Variants in CCSER1 observed in about 807,000 individuals in gnomAD.
CCSER1 encodes the protein serine-rich coiled-coil domain-containing protein 1.
In CCSER1, 41 loss-of-function variants were observed where a neutral mutation model predicts 82.0. The ratio of observed to expected loss-of-function variants is 0.50; its 90% CI spans 0.39 to 0.65. The LOEUF (loss-of-function observed/expected upper bound fraction) is 0.65, where lower values mean the gene tolerates loss of function less well. Among genes scored for constraint, CCSER1 ranks in the 30% least tolerant of loss-of-function variants. The probability of loss-of-function intolerance (pLI) is 0.00; values close to 1 mark genes in which losing one functional copy is unlikely to be tolerated. For synonymous variants in CCSER1, 414 were observed against 383.9 expected (o/e 1.08, Z -0.92); for missense variants, 1,119 against 1,064.2 (o/e 1.05, Z -0.72).
At chr4:91,062,461 T>TC (rs1744040324) in intron 9 of CCSER1, among the ~76,000 whole-genome samples, 1 of 152,140 alleles carries the variant, frequency 6.6e-6, no homozygotes. Context: ...GACAATGGCT[T>TC]CTCAGACTAT....
At chr4:90,143,671 T>C (rs573706171) in intron 1 of CCSER1, among the ~76,000 whole-genome samples, 1 of 150,390 alleles carries the variant, frequency 6.6e-6, no homozygotes, top group South Asian at 2.1e-4. Flanking sequence ...ATTATTTTAC[T>C]TCTCCATTCC....
chr4:91,114,784 T>C (rs1726403775), intron 10 of CCSER1, among the ~76,000 whole-genome samples: 3 of 152,252 alleles, frequency 2.0e-5, no homozygotes, highest in South Asian at 4.1e-4. Flanking sequence ...TCTGCCAAAC[T>C]CATTGGTTGT....
Position 90,463,128 on chromosome 4 carries a change from A to G in CCSER1, c.1604-5106A>G, listed in dbSNP as rs75024135. Among the ~76,000 whole-genome samples, 3 of 152,350 alleles carry G rather than the reference A, an allele frequency of 2.0e-5. No homozygotes were observed. The East Asian group carries it at 5.8e-4, about 29-fold the overall frequency. On this transcript the variant is annotated intron_variant, in intron 4 of 10. Transcript: ENST00000509176. ...CATCTTAAAAAAATCTCAAGATGAT[A>G]TTAGCTTTAAATCATAAAGTTGTAC...
At chr4:90,881,899 CAGG>C (rs1721387577) in intron 8 of CCSER1, among the ~76,000 whole-genome samples, 1 of 150,782 alleles carries the variant, frequency 6.6e-6, no homozygotes, top group Middle Eastern at 3.2e-3. Flanking sequence ...AGCTGAACTG[CAGG>C]AGAAGCAGCA....
intron 10 of CCSER1, among the ~76,000 whole-genome samples, chr4:91,398,684 G>A (rs1752139610): frequency 6.6e-6 from 1 of 151,704 alleles, no homozygotes; most frequent in Non-Finnish European, 1.5e-5. Context: ...TGATATGATA[G>A]CAGTGCTAAA....
Position 90,631,019 on chromosome 4 carries a change from G to A in CCSER1, c.1932+2787G>A, listed in dbSNP as rs143131502. On this transcript the variant is annotated intron_variant, in intron 6 of 10. Coordinates refer to ENST00000509176, the MANE Select transcript of CCSER1 (RefSeq NM_001145065.2). ...CGCCATTCTCCTGCCTCAGCCTCCC[G>A]AGTAGCTGGGACAACAGGCACCTGC... 1.5e-4 allele frequency among the ~76,000 whole-genome samples: 22 copies of A among 151,716 alleles called. No homozygotes were observed. In the East Asian group the frequency reaches 4.1e-3, roughly 28 times the overall value.
At chr4:90,804,748 A>G (rs1311606913) in intron 7 of CCSER1, among the ~76,000 whole-genome samples, 2 of 152,244 alleles carry the variant, frequency 1.3e-5, no homozygotes, top group Non-Finnish European at 2.9e-5. Context: ...AATGCATTAT[A>G]AAATGTATAA....
chr4:90,975,025 C>T (rs1202706739), intron 9 of CCSER1, among the ~76,000 whole-genome samples: 1 of 151,346 alleles, frequency 6.6e-6, no homozygotes, highest in Non-Finnish European at 1.5e-5. Context: ...GAATATTATT[C>T]AGCCTTAACA....
chr4:90,883,084 G>T (rs957146203), intron 8 of CCSER1, among the ~76,000 whole-genome samples: 5 of 151,974 alleles, frequency 3.3e-5, no homozygotes, highest in Non-Finnish European at 7.4e-5. Flanking sequence ...CACACATGTA[G>T]TAAGTGGTAA....
chr4:90,446,872 A>G (rs1411625064), intron 4 of CCSER1, among the ~76,000 whole-genome samples: 1 of 152,106 alleles, frequency 6.6e-6, no homozygotes, highest in Non-Finnish European at 1.5e-5. Context: ...GAGGATGAAG[A>G]CTTTTATGAT....
intron 8 of CCSER1, among the ~76,000 whole-genome samples, chr4:90,816,203 T>A (rs1174150601): frequency 6.6e-6 from 1 of 152,180 alleles, no homozygotes; most frequent in Non-Finnish European, 1.5e-5. Context: ...AGATCTATAA[T>A]ATAAAGCAAA....
chr4:90,781,833 T>C (rs758319265), intron 7 of CCSER1: 136 of 948,076 alleles, frequency 1.4e-4, no homozygotes, highest in Non-Finnish European at 1.7e-4. Context: ...TCACTTATCT[T>C]TTCTATTTGT....
At chr4:90,140,529 C>A (rs1209236355) in intron 1 of CCSER1, among the ~76,000 whole-genome samples, 1 of 152,052 alleles carries the variant, frequency 6.6e-6, no homozygotes, top group Admixed American at 6.5e-5. Context: ...TATTTTTTGA[C>A]ATGAAGACAA....
chr4:90,128,258 G>A (rs1253727959), intron 1 of CCSER1, among the ~76,000 whole-genome samples: 1 of 152,052 alleles, frequency 6.6e-6, no homozygotes, highest in Non-Finnish European at 1.5e-5. Flanking sequence ...CGGGCTGCGG[G>A]TGCTGAGGCG....
At chr4:90,607,557 TCCG>T (rs1371522660) in intron 5 of CCSER1, among the ~76,000 whole-genome samples, 1 of 152,146 alleles carries the variant, frequency 6.6e-6, no homozygotes, top group African/African-American at 2.4e-5. Flanking sequence ...CACCCTGATT[TCCG>T]CCTTAATTTT....
chr4:91,458,154 A>G (rs1756298250), intron 10 of CCSER1, among the ~76,000 whole-genome samples: 1 of 152,058 alleles, frequency 6.6e-6, no homozygotes, highest in African/African-American at 2.4e-5. Context: ...TCTTTAATCC[A>G]TCTTGAGTTT....
At chr4:90,410,481 T>G (rs940161002) in intron 4 of CCSER1, among the ~76,000 whole-genome samples, 1 of 152,016 alleles carries the variant, frequency 6.6e-6, no homozygotes, top group Non-Finnish European at 1.5e-5. Flanking sequence ...AGAAACTCAC[T>G]CAAAACCGCT....
At chr4:90,958,310 G>GTCTC (rs1159362921) in intron 9 of CCSER1, among the ~76,000 whole-genome samples, 1 of 152,034 alleles carries the variant, frequency 6.6e-6, no homozygotes, top group African/African-American at 2.4e-5. Flanking sequence ...TTGTCTGCTG[G>GTCTC]TTTTCCTGTC....
At chr4:90,913,931 C>T (rs930637037) in intron 8 of CCSER1, among the ~76,000 whole-genome samples, 1 of 152,146 alleles carries the variant, frequency 6.6e-6, no homozygotes, top group Non-Finnish European at 1.5e-5. Flanking sequence ...ATCAATTCAA[C>T]AAGAAGAAGT....
Sources: allele counts gnomAD v4.1 joint callset (sites outside exome capture counted in the v4.1 genomes callset), GRCh38; gene constraint gnomAD v4.1.1; transcripts MANE v1.5; gene names NCBI Gene and HGNC (gene_info 2026-07-23, HGNC 2026-07-21).